Variants in GALNT14 observed in about 807,000 individuals in gnomAD.
The protein encoded by GALNT14 is polypeptide N-acetylgalactosaminyltransferase 14.
In GALNT14, 60 loss-of-function variants were observed where a neutral mutation model predicts 77.5. The observed-to-expected ratio is 0.77, with a 90% CI of 0.63 to 0.96. The LOEUF is 0.96. GALNT14 is among the 40% of genes least tolerant of loss of function. GALNT14 has a pLI of 0.00. For synonymous variants in GALNT14, 280 were observed against 281.7 expected (o/e 0.99, Z 0.06); for missense variants, 710 against 731.0 (o/e 0.97, Z 0.33).
At chr2:31,043,021 A>T (rs1014258280) in intron 1 of GALNT14, among the ~76,000 whole-genome samples, 3 of 151,508 alleles carry the variant, frequency 2.0e-5, no homozygotes. Flanking sequence ...CACCTGTCTC[A>T]CCTCACCTCC....
chr2:30,948,818 T>C (rs929606019), intron 6 of GALNT14, among the ~76,000 whole-genome samples: 2 of 152,158 alleles, frequency 1.3e-5, no homozygotes, highest in African/African-American at 4.8e-5. Flanking sequence ...CAGACTGCAA[T>C]CCTGTTTTGC....
At chr2:30,898,344 G>A in the GALNT14 span, among the ~76,000 whole-genome samples, 5 of 152,140 alleles carry the variant, frequency 3.3e-5, no homozygotes, top group Non-Finnish European at 7.3e-5. Context: ...GTCATCCCTC[G>A]ACACTCACAG....
At chr2:31,106,040 C>G (rs1677542983) in intron 1 of GALNT14, among the ~76,000 whole-genome samples, 2 of 152,098 alleles carry the variant, frequency 1.3e-5, no homozygotes, top group African/African-American at 4.8e-5. Context: ...CCCTGCCCAC[C>G]ACCTCCACAC....
At chr2:30,984,934 G>T (rs1283433871) in intron 2 of GALNT14, among the ~76,000 whole-genome samples, 1 of 152,008 alleles carries the variant, frequency 6.6e-6, no homozygotes, top group Admixed American at 6.5e-5. Context: ...AACACTGAGG[G>T]CAGGAAATTC....
intron 10 of GALNT14, among the ~76,000 whole-genome samples, chr2:30,929,712 G>C (rs889521035): frequency 6.6e-6 from 1 of 152,236 alleles, no homozygotes; most frequent in Non-Finnish European, 1.5e-5. Flanking sequence ...TTTAGTACAG[G>C]TTGAGTATCC....
intron 1 of GALNT14, among the ~76,000 whole-genome samples, chr2:31,051,095 C>T (rs1673834759): frequency 6.6e-6 from 1 of 152,180 alleles, no homozygotes; most frequent in South Asian, 2.1e-4. Context: ...ACCTGACTTG[C>T]TGCATCGCCC....
Position 30,942,309 on chromosome 2 carries a change from G to A in GALNT14, c.828-5C>T. 1 of 1,609,752 alleles carries A rather than the reference G, an allele frequency of 6.2e-7. No homozygotes were observed. The highest frequency in any genetic ancestry group is 8.5e-7 in the Non-Finnish European group (1 of 1,176,266). ...CCTCCAGCTATGATAGGAGTCCTGT[G>A]CATTTGGAAGAAAAAGAGAGGGGAT... On this transcript the variant is annotated splice_polypyrimidine_tract_variant and splice_region_variant and intron_variant, in intron 8 of 14. Transcript: ENST00000349752.
chr2:30,980,488 G>A lies in GALNT14; in HGVS notation c.299+12350C>T, dbSNP rs75552571. 3.7e-3 allele frequency among the ~76,000 whole-genome samples: 568 copies of A among 152,280 alleles called. 5 individuals carry two copies. The highest frequency in any genetic ancestry group is 0.013 in the African/African-American group (545 of 41,538). ...TTACTAGAGGTTAAAGATGAGGCTC[G>A]GCATTTGACATCAATTATTTCACCT... is the stretch of plus-strand genomic sequence containing the variant. On this transcript the variant is annotated intron_variant, in intron 2 of 14. Transcript: ENST00000349752.
intron 1 of GALNT14, among the ~76,000 whole-genome samples, chr2:31,015,119 A>G (rs946807439): frequency 2.0e-5 from 3 of 151,934 alleles, no homozygotes; most frequent in Non-Finnish European, 4.4e-5. Context: ...GTGAAACCTC[A>G]TCTCTACTAA....
chr2:30,937,190 A>G (rs1319301128), intron 9 of GALNT14, among the ~76,000 whole-genome samples: 1 of 152,250 alleles, frequency 6.6e-6, no homozygotes, highest in Non-Finnish European at 1.5e-5. Context: ...CTACTCCAGC[A>G]GGTCACACAT....
the GALNT14 span, among the ~76,000 whole-genome samples, chr2:30,901,500 AATAT>A: frequency 7.3e-6 from 1 of 137,064 alleles, no homozygotes; most frequent in Non-Finnish European, 1.6e-5. Context: ...ATATATAATA[AATAT>A]ATTCATATAT....
chr2:30,899,510 G>T, the GALNT14 span, among the ~76,000 whole-genome samples: 1 of 151,956 alleles, frequency 6.6e-6, no homozygotes, highest in Non-Finnish European at 1.5e-5. Flanking sequence ...ATATTTACTG[G>T]CTCAAATGAA....
chr2:31,026,372 G>T (rs1431489684), intron 1 of GALNT14, among the ~76,000 whole-genome samples: 1 of 152,178 alleles, frequency 6.6e-6, no homozygotes, highest in Non-Finnish European at 1.5e-5. Context: ...TTCCAAGAAG[G>T]AGAATTACTT....
Position 30,955,974 on chromosome 2 carries a change from T to C in GALNT14, c.470A>G (p.Asp157Gly). Residue 157 changes from aspartate to glycine, a missense_variant, in exon 5 of 15, where the codon GAT becomes GGT. Asp to Gly is a moderately conservative substitution (Grantham distance 94, BLOSUM62 -1). Coordinates refer to ENST00000349752, the MANE Select transcript of GALNT14 (RefSeq NM_024572.4). ...CAACTTGATGAGCTGTTTACAGTCA[T>C]CAGCTGCAAAGACAAAAGGTTAAGC... ...ILVDDFSNDPDDCKQLIKLPK... is the reference protein window; with the variant it reads ...ILVDDFSNDPGDCKQLIKLPK... 6.2e-7 allele frequency: 1 copy of C among 1,614,200 alleles called. No homozygotes were observed. The highest frequency in any genetic ancestry group is 8.5e-7 in the Non-Finnish European group (1 of 1,180,020).
At chr2:30,897,749 C>G in the GALNT14 span, among the ~76,000 whole-genome samples, 4 of 152,200 alleles carry the variant, frequency 2.6e-5, no homozygotes, top group Non-Finnish European at 5.9e-5. Flanking sequence ...GAACACAGAC[C>G]GCTGGGACTG....
intron 1 of GALNT14, among the ~76,000 whole-genome samples, chr2:31,063,482 G>T (rs1674733126): frequency 6.6e-6 from 1 of 152,168 alleles, no homozygotes; most frequent in Admixed American, 6.5e-5. Flanking sequence ...ATAGTTTGAA[G>T]TCAGGTAGTG....
chr2:30,984,749 C>T (rs2148385476), intron 2 of GALNT14, among the ~76,000 whole-genome samples: 1 of 152,340 alleles, frequency 6.6e-6, no homozygotes. Flanking sequence ...CCCACGCCAT[C>T]TCCTTCAAGA....
chr2:31,110,952 T>C (rs73921484), intron 1 of GALNT14, among the ~76,000 whole-genome samples: 1 of 152,144 alleles, frequency 6.6e-6, no homozygotes, highest in Admixed American at 6.5e-5. Flanking sequence ...TCTGAATGAT[T>C]TGGGAGTCAA....
intron 1 of GALNT14, among the ~76,000 whole-genome samples, chr2:31,069,284 A>G (rs927287738): frequency 6.6e-6 from 1 of 152,210 alleles, no homozygotes; most frequent in African/African-American, 2.4e-5. Context: ...GTTATTTACC[A>G]CAAGGCCACT....
Sources: allele counts gnomAD v4.1 joint callset (sites outside exome capture counted in the v4.1 genomes callset), GRCh38; gene constraint gnomAD v4.1.1; transcripts MANE v1.5; gene names NCBI Gene and HGNC (gene_info 2026-07-23, HGNC 2026-07-21).